The following KHDRBS2 variants were observed in gnomAD, a reference collection of about 807,000 sequenced individuals.
KHDRBS2 encodes the protein KH domain-containing, RNA-binding, signal transduction-associated protein 2.
Under a neutral mutation model 44.3 loss-of-function variants are expected in KHDRBS2, and 26 were observed. That is an observed-to-expected ratio of 0.59 (90% CI 0.43 to 0.81). KHDRBS2 has a LOEUF of 0.81. Ranked by LOEUF, KHDRBS2 falls within the 40% of genes least tolerant of loss-of-function variation. The pLI is 0.00. For missense variants in KHDRBS2, 476 were observed against 433.1 expected, an observed-to-expected ratio of 1.10 and a Z score of -0.88; for synonymous variants, 194 against 151.1, an observed-to-expected ratio of 1.28 and a Z score of -2.08.
intron 1 of KHDRBS2, among the ~76,000 whole-genome samples, chr6:62,213,626 A>G (rs538404019): frequency 2.6e-5 from 4 of 152,066 alleles, no homozygotes; most frequent in Non-Finnish European, 5.9e-5. Context: ...TTATTAAAAT[A>G]AAGAATGGGA....
intron 1 of KHDRBS2, among the ~76,000 whole-genome samples, chr6:62,186,991 A>G (rs1823568729): frequency 6.6e-6 from 1 of 152,124 alleles, no homozygotes; most frequent in Non-Finnish European, 1.5e-5. Context: ...TTCAGGACAC[A>G]TATTTCTCCT....
chr6:62,166,269 T>C (rs1157802748), intron 2 of KHDRBS2, among the ~76,000 whole-genome samples: 4 of 152,064 alleles, frequency 2.6e-5, no homozygotes, highest in Non-Finnish European at 5.9e-5. Flanking sequence ...TTGTGAATAA[T>C]ACCTCTATGA....
chr6:62,109,588 T>C (rs1297765347), intron 2 of KHDRBS2, among the ~76,000 whole-genome samples: 1 of 151,848 alleles, frequency 6.6e-6, no homozygotes, highest in African/African-American at 2.4e-5. Context: ...TTGGCAAGGG[T>C]AAAGGATAAA....
chr6:61,550,135 T>A, the KHDRBS2 span, among the ~76,000 whole-genome samples: 1 of 152,172 alleles, frequency 6.6e-6, no homozygotes, highest in Non-Finnish European at 1.5e-5. Flanking sequence ...GGTGTACAGA[T>A]TATTTTGTCA....
intron 4 of KHDRBS2, among the ~76,000 whole-genome samples, chr6:61,962,866 C>T (rs1160904729): frequency 3.9e-5 from 6 of 151,964 alleles, no homozygotes; most frequent in African/African-American, 1.2e-4. Flanking sequence ...GCTCTGGAAG[C>T]TCAGATTTTC....
chr6:62,168,521 G>A (rs764600846), intron 2 of KHDRBS2, among the ~76,000 whole-genome samples: 2 of 152,082 alleles, frequency 1.3e-5, no homozygotes, highest in Non-Finnish European at 2.9e-5. Flanking sequence ...CATTCCTTTT[G>A]CATGTCTAGT....
chr6:61,560,727 T>A, the KHDRBS2 span, among the ~76,000 whole-genome samples: 1 of 152,296 alleles, frequency 6.6e-6, no homozygotes, highest in East Asian at 1.9e-4. Flanking sequence ...CTATGGTATC[T>A]CGAATTTCAT....
At chr6:62,111,660 T>C (rs531973541) in intron 2 of KHDRBS2, among the ~76,000 whole-genome samples, 1 of 152,114 alleles carries the variant, frequency 6.6e-6, no homozygotes, top group South Asian at 2.1e-4. Flanking sequence ...CCTTGGAGGA[T>C]CACTTGAGGC....
At chr6:61,676,704 G>C (rs1386758166), downstream of KHDRBS2, among the ~76,000 whole-genome samples, 1 of 151,794 alleles carries the variant, frequency 6.6e-6, no homozygotes, top group African/African-American at 2.4e-5. Flanking sequence ...GAGTGGTGTG[G>C]ACAACTCTGT....
chr6:62,265,680 T>C (rs1243882221), intron 1 of KHDRBS2, among the ~76,000 whole-genome samples: 1 of 152,008 alleles, frequency 6.6e-6, no homozygotes, highest in Non-Finnish European at 1.5e-5. Flanking sequence ...ACAAAAATTC[T>C]TTTCTTATTT....
intron 6 of KHDRBS2, among the ~76,000 whole-genome samples, chr6:61,799,574 T>C (rs1478712258): frequency 7.2e-5 from 11 of 152,018 alleles, no homozygotes; most frequent in Non-Finnish European, 1.6e-4. Flanking sequence ...TTCAGTTGTT[T>C]TCCTTCCAAC....
At chr6:61,595,081 G>T in the KHDRBS2 span, among the ~76,000 whole-genome samples, 129,618 of 152,076 alleles carry the variant, frequency 0.85, 55,678 homozygotes, top group African/African-American at 0.94. Flanking sequence ...ACTCAAAGGA[G>T]GTACCACAAT....
chr6:61,890,563 C>A (rs1017912527), intron 6 of KHDRBS2, among the ~76,000 whole-genome samples: 1 of 152,146 alleles, frequency 6.6e-6, no homozygotes, highest in African/African-American at 2.4e-5. Context: ...AAGTTTTTCT[C>A]TCTTCTTAAT....
At chr6:62,226,483 T>A (rs887792264) in intron 1 of KHDRBS2, among the ~76,000 whole-genome samples, 1 of 152,198 alleles carries the variant, frequency 6.6e-6, no homozygotes, top group Non-Finnish European at 1.5e-5. Context: ...ATTCTGTAGG[T>A]TGCCTGTTCA....
the KHDRBS2 span, among the ~76,000 whole-genome samples, chr6:61,567,235 A>C: frequency 6.6e-6 from 1 of 152,198 alleles, no homozygotes; most frequent in Admixed American, 6.5e-5. Flanking sequence ...AAAAAAAAGA[A>C]TTTACAGCTG....
intron 1 of KHDRBS2, among the ~76,000 whole-genome samples, chr6:62,210,116 T>C (rs1338156299): frequency 6.6e-6 from 1 of 152,018 alleles, no homozygotes. Context: ...GTAAGAAAAA[T>C]TGAAAATATC....
chr6:61,912,589 CAG>C (rs1165577116), intron 4 of KHDRBS2, among the ~76,000 whole-genome samples: 1 of 152,148 alleles, frequency 6.6e-6, no homozygotes, highest in East Asian at 1.9e-4. Flanking sequence ...GGGCCCATGA[CAG>C]AGCAACTGGT....
Position 61,703,008 on chromosome 6 carries a change from A to G in KHDRBS2, c.894-5755T>C, listed in dbSNP as rs568764347. ...CACCGAAGTAATTAAGTTCCAAATC[A>G]CTGATAATTGCCATAATTTTAATTA... On this transcript the variant is annotated intron_variant, in intron 7 of 8. Transcript: ENST00000281156. Among the ~76,000 whole-genome samples, 26 of 151,904 alleles carry G rather than the reference A, an allele frequency of 1.7e-4. No homozygotes were observed. In the South Asian group the frequency reaches 5.2e-3, roughly 30 times the overall value.
chr6:61,839,721 G>A (rs1249723740), intron 6 of KHDRBS2, among the ~76,000 whole-genome samples: 1 of 152,000 alleles, frequency 6.6e-6, no homozygotes, highest in Non-Finnish European at 1.5e-5. Context: ...ATTGAAAGTG[G>A]GTGAAAGATC....
Sources: gnomAD v4.1 joint callset for allele counts (sites outside exome capture counted in the v4.1 genomes callset) on GRCh38, gnomAD v4.1.1 for gene constraint, MANE v1.5 for transcripts, NCBI Gene and HGNC (gene_info 2026-07-23, HGNC 2026-07-21) for gene names.